Variants in CCNDBP1 observed in about 807,000 individuals in gnomAD.
CCNDBP1 encodes the protein cyclin D1 binding protein 1, also known as cyclin-D1-binding protein 1.
Under a neutral mutation model 46.2 loss-of-function variants are expected in CCNDBP1, and 45 were observed. The ratio of observed to expected loss-of-function variants is 0.97; its 90% CI spans 0.77 to 1.25. The LOEUF is 1.25. Among genes scored for constraint, CCNDBP1 ranks in the 50% most tolerant of loss-of-function variants. The pLI is 0.00. For synonymous variants in CCNDBP1, 154 were observed against 163.6 expected (o/e 0.94, Z 0.45); for missense variants, 436 against 442.1 (o/e 0.99, Z 0.12).
At chr15:43,186,098 C>T (rs2041824735) in intron 2 of CCNDBP1, 56 bp from the exon 3 acceptor site, 2 of 1,508,026 alleles carry the variant, frequency 1.3e-6, no homozygotes, top group South Asian at 1.1e-5. Flanking sequence ...GGAAGTCTTC[C>T]AAGTCCGTGC....
chr15:43,185,822 G>T lies in CCNDBP1; in HGVS notation c.112G>T (p.Gly38Cys), dbSNP rs767754785. ...CCCCCACACGCCACACCCACAAGTC[G>T]GCGAAGCCCAGGAGACCACCGAGGA... Reference protein sequence around the residue: ...LRLLLPRVRVGEAQETTEEFN... With the variant: ...LRLLLPRVRVCEAQETTEEFN... Residue 38 changes from glycine to cysteine, a missense_variant and splice_region_variant, in exon 2 of 11, where the codon GGC becomes TGC. Physicochemically the swap from Gly to Cys is radical, Grantham distance 159. Coordinates refer to ENST00000300213, the MANE Select transcript of CCNDBP1 (RefSeq NM_012142.5). 6.2e-7 allele frequency: 1 copy of T among 1,610,452 alleles called. No homozygotes were observed. The highest frequency in any genetic ancestry group is 1.3e-5 in the African/African-American group (1 of 74,932).
In CCNDBP1 at chr15:43,194,970, A is replaced by G. The variant is rs1304910565; in HGVS notation, c.*129A>G. On this transcript the variant is annotated 3_prime_UTR_variant, in exon 11 of 11. Transcript: ENST00000300213. The stretch of plus-strand genomic sequence containing the variant: ...TGCCTATCTATATTTAGCAAGAGAC[A>G]CTATTACCAAAGATTGTTGGTTAGG... The G allele has an allele frequency of 1.7e-5, 10 of 596,278 alleles. No individual in the cohort carries two copies. Among genetic ancestry groups the G allele is most frequent in the Non-Finnish European group, 2.7e-5 (9 of 337,124 alleles). The allele number at this position is 596,278 out of a possible 1,614,324, so 36.9% of individuals were successfully genotyped here. A position where few individuals can be genotyped will look rare whatever the true frequency, so the allele number is the denominator to read the frequency against.
Position 43,192,735 on chromosome 15 carries a change from G to C in CCNDBP1, c.861-8G>C. ...TTGTTAATGATTACTTTTGTTTTCT[G>C]CTCTTAGTGTGGATGATTTGGCTCT... On this transcript the variant is annotated splice_region_variant and splice_polypyrimidine_tract_variant and intron_variant, in intron 8 of 10. Coordinates refer to ENST00000300213, the MANE Select transcript of CCNDBP1 (RefSeq NM_012142.5). 6.2e-7 allele frequency: 1 copy of C among 1,613,700 alleles called. No homozygotes were observed. The highest frequency in any genetic ancestry group is 8.5e-7 in the Non-Finnish European group (1 of 1,179,724).
rs1567264334 is a variant in CCNDBP1 at position 43,191,558 on chromosome 15, T to C, written c.743T>C (p.Val248Ala). 2 of 1,613,960 alleles carry C rather than the reference T, an allele frequency of 1.2e-6. No homozygotes were observed. Among genetic ancestry groups the C allele is most frequent in the Admixed American group, 3.3e-5 (2 of 59,982 alleles). ...QELIIPCLAL[V>A]RASKACLKKI... ...CTCATAATCCCATGCCTTGCGCTGG[T>C]GAGAGCATCCAAAGCCTGCCTGAAG... The change falls in exon 8 of 11, where the codon GTG (valine) becomes GCG (alanine). Residue 248 changes from valine (V) to alanine (A), a missense_variant. By Grantham distance (64) the Val-to-Ala change is moderately conservative. Transcript: ENST00000300213.
chr15:43,197,101 A>G lies in CCNDBP1; in HGVS notation c.*2260A>G, dbSNP rs915045638. The stretch of plus-strand genomic sequence containing the variant: ...CCCTTCATCTTCCTGCATAAGTGGA[A>G]GCAGCCTGAAGCCCTCACTGTTTCT... On this transcript the variant is annotated 3_prime_UTR_variant, in exon 11 of 11. Coordinates refer to ENST00000300213, the MANE Select transcript of CCNDBP1 (RefSeq NM_012142.5). The G allele has an allele frequency of 1.1e-5, 7 of 659,966 alleles. No homozygotes were observed. The highest frequency in any genetic ancestry group is 2.6e-6 in the Non-Finnish European group (1 of 390,112). The allele number at this position is 659,966 out of a possible 1,614,324, so 40.9% of individuals were successfully genotyped here. A position where few individuals can be genotyped will look rare whatever the true frequency, so the allele number is the denominator to read the frequency against.
In CCNDBP1 at chr15:43,195,904, G is replaced by GCTTAAGCCAACCAAC. The variant is rs2042032587; in HGVS notation, c.*1063_*1064insCTTAAGCCAACCAAC. 6.6e-6 allele frequency: 1 copy of GCTTAAGCCAACCAAC among 152,156 alleles called. No homozygotes were observed. The highest frequency in any genetic ancestry group is 1.5e-5 in the Non-Finnish European group (1 of 68,042). 9.4% of individuals were successfully genotyped at this position (152,156 alleles called of 1,614,324 possible). A position where few individuals can be genotyped will look rare whatever the true frequency, so the allele number is the denominator to read the frequency against. On this transcript the variant is annotated 3_prime_UTR_variant, in exon 11 of 11. Coordinates refer to ENST00000300213, the MANE Select transcript of CCNDBP1 (RefSeq NM_012142.5). Reference sequence around the variant, plus strand: ...GGGGTTGAAATTCCTTAAGCCAAATGAGTTTTAGCTTACTGTTTTGAAGTG... The same window carrying GCTTAAGCCAACCAAC: ...GGGGTTGAAATTCCTTAAGCCAAATGCTTAAGCCAACCAACAGTTTTAGCTTACTGTTTTGAAGTG...
Position 43,194,881 on chromosome 15 carries a change from C to A in CCNDBP1, c.*40C>A. The A allele has an allele frequency of 7.9e-7, 1 of 1,269,828 alleles. No homozygotes were observed. Among genetic ancestry groups the A allele is most frequent in the Non-Finnish European group, 1.2e-6 (1 of 868,148 alleles). The allele number at this position is 1,269,828 out of a possible 1,614,324, so 78.7% of individuals were successfully genotyped here. ...TTGTACTCTCTTCCCCTCTCATCGT[C>A]ATGGTCAGGCTCTGATACCTGCTTT... On this transcript the variant is annotated 3_prime_UTR_variant, in exon 11 of 11. Coordinates refer to ENST00000300213, the MANE Select transcript of CCNDBP1 (RefSeq NM_012142.5).
chr15:43,194,722 C>G lies in CCNDBP1; in HGVS notation c.969-5C>G. ...TAACTTACTTCTTTCCTATTCTATT[C>G]ACAGAGCAAGTCATGTGACCCCTCA... On this transcript the variant is annotated splice_region_variant and splice_polypyrimidine_tract_variant and intron_variant, in intron 10 of 10. Transcript: ENST00000300213. The G allele has an allele frequency of 6.3e-7, 1 of 1,582,930 alleles. No homozygotes were observed. Among genetic ancestry groups the G allele is most frequent in the South Asian group, 1.1e-5 (1 of 90,414 alleles).
Position 43,185,521 on chromosome 15 carries a change from C to A in CCNDBP1, c.23C>A (p.Ala8Glu). 1 of 1,595,474 alleles carries A rather than the reference C, an allele frequency of 6.3e-7. No individual in the cohort carries two copies. ...GAGATGGCGAGCGCAACTGCACCTG[C>A]AGCCGCAGTCCCCACCCTGGCTTCG... Reference protein sequence around the residue: MASATAPAAAVPTLASPL... With the variant: MASATAPEAAVPTLASPL... Residue 8 changes from alanine to glutamate, a missense_variant, in exon 1 of 11, where the codon GCA (alanine) becomes GAA (glutamate). Transcript: ENST00000300213.
In CCNDBP1 at chr15:43,189,810, G is replaced by T. The variant is rs140441751; in HGVS notation, c.332-245G>T. On this transcript the variant is annotated intron_variant, in intron 4 of 10. Coordinates refer to ENST00000300213, the MANE Select transcript of CCNDBP1 (RefSeq NM_012142.5). Reference sequence around the variant, plus strand: ...TTGTTAAGAGATCACGGTCCTTAATGAATGAATACATGGTGTCACGGAAAG... The same window carrying T: ...TTGTTAAGAGATCACGGTCCTTAATTAATGAATACATGGTGTCACGGAAAG... 196 of 508,490 alleles carry T rather than the reference G, an allele frequency of 3.9e-4. 2 individuals carry two copies. In the East Asian group the frequency reaches 6.2e-3, roughly 16 times the overall value. The allele number at this position is 508,490 out of a possible 1,614,324, so 31.5% of individuals were successfully genotyped here.
In CCNDBP1 at chr15:43,189,240, G is replaced by C. The variant is rs771727395; in HGVS notation, c.291G>C (p.Lys97Asn). The change falls in exon 4 of 11, where the codon AAG (lysine) becomes AAC (asparagine). Residue 97 changes from lysine to asparagine, a missense_variant. By Grantham distance (94) the Lys-to-Asn change is moderately conservative (BLOSUM62 0). Coordinates refer to ENST00000300213, the MANE Select transcript of CCNDBP1 (RefSeq NM_012142.5). The stretch of plus-strand genomic sequence containing the variant: ...GTGAACAAGTCCATGCTGCCATCAA[G>C]GCATTTATTGCAGTGTACTATTTGC... ...KFCEQVHAAI[K>N]AFIAVYYLLP... 1 of 1,612,288 alleles carries C rather than the reference G, an allele frequency of 6.2e-7. No homozygotes were observed. The highest frequency in any genetic ancestry group is 1.1e-5 in the South Asian group (1 of 90,658).
intron 7 of CCNDBP1, 131 bp from the exon 8 acceptor site, chr15:43,191,264 T>C (rs2041945536): frequency 1.0e-6 from 1 of 970,210 alleles, no homozygotes; most frequent in Non-Finnish European, 1.5e-6. Context: ...GATTCAACTC[T>C]GTAGCCCTTA....
At position 43,195,471 on chromosome 15, in the gene CCNDBP1, C is replaced by T. The variant is rs766323771; in HGVS notation, c.*630C>T. On this transcript the variant is annotated 3_prime_UTR_variant, in exon 11 of 11. Coordinates refer to ENST00000300213, the MANE Select transcript of CCNDBP1 (RefSeq NM_012142.5). ...GAGCTCATTTGTTAGGTTTGCCCAC[C>T]TTATTGAACAGATTTATTTTCCTTA... 4 of 152,114 alleles carry T rather than the reference C, an allele frequency of 2.6e-5. No homozygotes were observed. Among genetic ancestry groups the T allele is most frequent in the Non-Finnish European group, 5.9e-5 (4 of 68,026 alleles). 9.4% of individuals were successfully genotyped at this position (152,114 alleles called of 1,614,324 possible).
At position 43,194,710 on chromosome 15, in the gene CCNDBP1, T is replaced by TCCTATTCTATTCACAGAGCAAGTCA; in HGVS notation, c.969-16_977dup. 6.5e-7 allele frequency: 1 copy of TCCTATTCTATTCACAGAGCAAGTCA among 1,540,230 alleles called. No individual in the cohort carries two copies. Among genetic ancestry groups the TCCTATTCTATTCACAGAGCAAGTCA allele is most frequent in the Non-Finnish European group, 9.0e-7 (1 of 1,112,984 alleles). ...TCCTAATAAGTTTAACTTACTTCTT[T>TCCTATTCTATTCACAGAGCAAGTCA]CCTATTCTATTCACAGAGCAAGTCA... is the stretch of plus-strand genomic sequence containing the variant. On this transcript the variant is annotated splice_polypyrimidine_tract_variant and intron_variant, in intron 10 of 10. Coordinates refer to ENST00000300213, the MANE Select transcript of CCNDBP1 (RefSeq NM_012142.5).
chr15:43,188,029 A>G (rs569847067), intron 3 of CCNDBP1, among the ~76,000 whole-genome samples: 5 of 151,814 alleles, frequency 3.3e-5, no homozygotes, highest in Non-Finnish European at 4.4e-5. Context: ...TTAAATTCCA[A>G]TCTGTATGGA....
chr15:43,190,440 CAA>C (rs752152443), intron 6 of CCNDBP1, 42 bp downstream of exon 6: 8 of 1,495,460 alleles, frequency 5.3e-6, no homozygotes, highest in Non-Finnish European at 7.5e-6. Context: ...CTGGCCAAAG[CAA>C]AGAGACCTCA....
chr15:43,189,372 T>A, intron 4 of CCNDBP1, 92 bp downstream of exon 4: 1 of 677,786 alleles, frequency 1.5e-6, no homozygotes, highest in Non-Finnish European at 2.5e-6. Flanking sequence ...AACTTGAACA[T>A]GTAACTTTCT....
intron 3 of CCNDBP1, among the ~76,000 whole-genome samples, chr15:43,186,914 TGTC>T (rs1382772909): frequency 3.3e-5 from 5 of 152,216 alleles, no homozygotes; most frequent in Non-Finnish European, 7.3e-5. Context: ...CTGCAAACAG[TGTC>T]GTGATGAATT....
rs2041800625 is a variant in CCNDBP1, at chr15:43,185,626, A to T, written c.109+19A>T. 6.8e-7 allele frequency: 1 copy of T among 1,466,378 alleles called. No individual in the cohort carries two copies. The highest frequency in any genetic ancestry group is 1.5e-5 in the African/African-American group (1 of 68,572). The allele number at this position is 1,466,378 out of a possible 1,614,324, so 90.8% of individuals were successfully genotyped here. ...GTGCGGGGTGAGCTGACGGAGTTAGAACGGGCGACGGCAGGGGCGGGCTCG... is the reference window on the plus strand; with the variant it reads ...GTGCGGGGTGAGCTGACGGAGTTAGTACGGGCGACGGCAGGGGCGGGCTCG... On this transcript the variant is annotated intron_variant, in intron 1 of 10. Coordinates refer to ENST00000300213, the MANE Select transcript of CCNDBP1 (RefSeq NM_012142.5).
Sources: gnomAD v4.1 joint callset for allele counts (sites outside exome capture counted in the v4.1 genomes callset) on GRCh38, gnomAD v4.1.1 for gene constraint, MANE v1.5 for transcripts, NCBI Gene and HGNC (gene_info 2026-07-23, HGNC 2026-07-21) for gene names.